The following SLC12A1 variants were observed in gnomAD, a reference collection of about 807,000 sequenced individuals.
The protein encoded by SLC12A1 is solute carrier family 12 member 1.
In SLC12A1, 89 loss-of-function variants were observed where a neutral mutation model predicts 130.4. The ratio of observed to expected loss-of-function variants is 0.68; its 90% CI spans 0.58 to 0.81. The LOEUF is 0.81. SLC12A1 is among the 40% of genes least tolerant of loss of function. The pLI is 0.00. For missense variants in SLC12A1, 1,310 were observed against 1,336.4 expected, an observed-to-expected ratio of 0.98 and a Z score of 0.31; for synonymous variants, 499 against 460.0, an observed-to-expected ratio of 1.08 and a Z score of -1.09.
At chr15:48,288,793 T>G (rs1179534923) in intron 23 of SLC12A1, among the ~76,000 whole-genome samples, 1 of 152,224 alleles carries the variant, frequency 6.6e-6, no homozygotes, top group Non-Finnish European at 1.5e-5. Context: ...GGAGCTTCGT[T>G]ATCTCATATA....
chr15:48,213,530 A>G (rs1597395829), intron 2 of SLC12A1, among the ~76,000 whole-genome samples: 2 of 119,194 alleles, frequency 1.7e-5, no homozygotes, highest in Admixed American at 9.7e-5. Flanking sequence ...TTGAGACGGG[A>G]TCTCGCTCTG....
intron 24 of SLC12A1, among the ~76,000 whole-genome samples, chr15:48,295,840 T>C (rs961934256): frequency 2.6e-5 from 4 of 152,208 alleles, no homozygotes; most frequent in Admixed American, 1.3e-4. Flanking sequence ...CATATTACCT[T>C]ATAAAACAGT....
Position 48,255,829 on chromosome 15 carries a change from C to G in SLC12A1, c.1961C>G (p.Ser654Cys). ...TCCACAGATGTGAACTGGGGCTCCT[C>G]CACACAGGCTCTTTCCTACGTGAGT... Reference protein sequence around the residue: ...CKKPDVNWGSSTQALSYVSAL... With the variant: ...CKKPDVNWGSCTQALSYVSAL... The change falls in exon 16 of 27, where the codon TCC (serine) becomes TGC (cysteine). Residue 654 changes from serine to cysteine, a missense_variant. Transcript: ENST00000380993. 6.2e-7 allele frequency: 1 copy of G among 1,606,792 alleles called. No homozygotes were observed. The highest frequency in any genetic ancestry group is 8.5e-7 in the Non-Finnish European group (1 of 1,176,188).
intron 23 of SLC12A1, among the ~76,000 whole-genome samples, chr15:48,290,114 C>CTATTT (rs1280116726): frequency 5.3e-5 from 8 of 152,218 alleles, no homozygotes; most frequent in African/African-American, 1.9e-4. Flanking sequence ...AAGCATTTTT[C>CTATTT]TACTTTTTAA....
intron 2 of SLC12A1, among the ~76,000 whole-genome samples, chr15:48,210,363 C>T (rs1410319706): frequency 2.0e-5 from 3 of 152,144 alleles, no homozygotes; most frequent in African/African-American, 7.2e-5. Flanking sequence ...TAAATATTAT[C>T]ATTCACCTAC....
chr15:48,244,808 G>C lies in SLC12A1; in HGVS notation c.1356G>C (p.Gly452=). 1 of 1,613,938 alleles carries C rather than the reference G, an allele frequency of 6.2e-7. No individual in the cohort carries two copies. The change falls in exon 11 of 27, where the codon GGG becomes GGC. Residue 452 remains glycine (G), a synonymous_variant. Transcript: ENST00000380993. ...TGNMNDTIIS[G]MNCNGSAACG... is the part of the protein sequence containing the mutation. ...ACATGAATGACACCATCATTTCTGG[G>C]ATGAACTGCAATGGTTCAGCAGCAT...
At chr15:48,231,417 C>T (rs2055994152) in intron 7 of SLC12A1, among the ~76,000 whole-genome samples, 1 of 152,152 alleles carries the variant, frequency 6.6e-6, no homozygotes, top group African/African-American at 2.4e-5. Context: ...AAACACAGAA[C>T]CCTACTTTAG....
rs2037423993 is a variant in SLC12A1 at position 48,207,840 on chromosome 15, G to C, written c.121G>C (p.Asp41His). Residue 41 changes from aspartate (D) to histidine (H), a missense_variant, in exon 2 of 27, where the codon GAC (aspartate) becomes CAC (histidine). Physicochemically the swap from Asp to His is moderately conservative, Grantham distance 81 (BLOSUM62 -1). Coordinates refer to ENST00000380993, the MANE Select transcript of SLC12A1 (RefSeq NM_000338.3). ...ESSAAADDNT[D>H]PPHYEETSFG... is the part of the protein sequence containing the mutation. The stretch of plus-strand genomic sequence containing the variant: ...CAGTGCAGCTGCAGATGACAATACT[G>C]ACCCACCACATTATGAAGAAACCTC... 6.2e-7 allele frequency: 1 copy of C among 1,613,806 alleles called. No homozygotes were observed. The highest frequency in any genetic ancestry group is 1.1e-5 in the South Asian group (1 of 91,052).
chr15:48,230,673 G>T (rs1047582443), intron 7 of SLC12A1, among the ~76,000 whole-genome samples, 170 bp downstream of exon 7: 2 of 152,238 alleles, frequency 1.3e-5, no homozygotes, highest in African/African-American at 4.8e-5. Context: ...CGAAGCCCAG[G>T]CAGTCATGAT....
rs1597456046 is a variant in SLC12A1 at position 48,288,044 on chromosome 15, T to C, written c.2631T>C (p.Asp877=). 2 of 1,608,166 alleles carry C rather than the reference T, an allele frequency of 1.2e-6. No individual in the cohort carries two copies. The highest frequency in any genetic ancestry group is 1.7e-6 in the Non-Finnish European group (2 of 1,177,354). The part of the protein sequence containing the change: ...LNITKTTPKK[D]GSINTSQSMH... ...GCATCAATTCCTCTTTCGTTTCAGA[T>C]GGCAGCATTAACACAAGCCAGTCGA... Residue 877 remains aspartate (D), a splice_region_variant and synonymous_variant, in exon 22 of 27, where the codon GAT becomes GAC. Transcript: ENST00000380993.
At chr15:48,289,040 G>C (rs1474611606) in intron 23 of SLC12A1, among the ~76,000 whole-genome samples, 1 of 151,820 alleles carries the variant, frequency 6.6e-6, no homozygotes, top group African/African-American at 2.4e-5. Flanking sequence ...TGGGTCCCCA[G>C]TTTCTCCTTT....
At chr15:48,234,834 G>GA in intron 8 of SLC12A1, 43 bp from the exon 9 acceptor site, 2 of 1,602,684 alleles carry the variant, frequency 1.2e-6, no homozygotes, top group Non-Finnish European at 1.7e-6. Flanking sequence ...CCTGTACTGT[G>GA]AAAAATGTCT....
intron 26 of SLC12A1, 122 bp downstream of exon 26, chr15:48,301,504 G>GCGGGGGC: frequency 2.0e-6 from 1 of 502,700 alleles, no homozygotes. Flanking sequence ...GTTTTTTTTG[G>GCGGGGGC]GGGGGGGAAC....
At position 48,245,022 on chromosome 15, in the gene SLC12A1, G is replaced by A. The variant is rs1009783284; in HGVS notation, c.1452+118G>A. The A allele has an allele frequency of 1.7e-5, 16 of 942,442 alleles. No individual in the cohort carries two copies. In the South Asian group the frequency reaches 1.9e-4, roughly 11 times the overall value. The allele number at this position is 942,442 out of a possible 1,614,324, so 58.4% of individuals were successfully genotyped here. On this transcript the variant is annotated intron_variant, in intron 11 of 26. Transcript: ENST00000380993. ...TATTGGCTGATAAGAATCCAGCATG[G>A]AATGATTCATGTGGAAATGAAAGGA... is the stretch of plus-strand genomic sequence containing the variant.
intron 2 of SLC12A1, among the ~76,000 whole-genome samples, chr15:48,211,681 C>T (rs553137984): frequency 1.8e-4 from 27 of 152,198 alleles, no homozygotes; most frequent in African/African-American, 6.0e-4. Flanking sequence ...TACCGAATGG[C>T]AGAACATGGT....
intron 24 of SLC12A1, 127 bp downstream of exon 24, chr15:48,291,991 A>G (rs961086500): frequency 9.5e-6 from 6 of 634,776 alleles, no homozygotes; most frequent in Non-Finnish European, 1.4e-5. Flanking sequence ...TCTAATAAGA[A>G]GAGCCTTCAA....
intron 8 of SLC12A1, among the ~76,000 whole-genome samples, chr15:48,234,328 T>C (rs1194198363): frequency 6.6e-6 from 1 of 152,200 alleles, no homozygotes; most frequent in African/African-American, 2.4e-5. Flanking sequence ...GCACAAAAAT[T>C]GATTTTTCAG....
chr15:48,295,842 T>C (rs183348322), intron 24 of SLC12A1, among the ~76,000 whole-genome samples: 98 of 152,336 alleles, frequency 6.4e-4, no homozygotes, highest in African/African-American at 2.3e-3. Flanking sequence ...TATTACCTTA[T>C]AAAACAGTCC....
intron 18 of SLC12A1, 78 bp downstream of exon 18, chr15:48,267,779 C>G: frequency 2.0e-6 from 3 of 1,500,300 alleles, no homozygotes; most frequent in Middle Eastern, 1.9e-4. Context: ...CCAAAGTGAA[C>G]AGCTGTAGTT....
Sources: gnomAD v4.1 joint callset for allele counts (sites outside exome capture counted in the v4.1 genomes callset) on GRCh38, gnomAD v4.1.1 for gene constraint, MANE v1.5 for transcripts, NCBI Gene and HGNC (gene_info 2026-07-23, HGNC 2026-07-21) for gene names.